Variants in ERICH3 observed in about 807,000 individuals in gnomAD.
The protein encoded by ERICH3 is glutamate rich 3, also known as glutamate-rich protein 3.
In ERICH3, 126 loss-of-function variants were observed where a neutral mutation model predicts 131.1. The observed-to-expected ratio is 0.96, with a 90% CI of 0.83 to 1.11. ERICH3 has a LOEUF of 1.11. ERICH3 is among the 50% of genes most tolerant of loss of function. The pLI is 0.00. For missense variants in ERICH3, 2,050 were observed against 1,810.7 expected (o/e 1.13, Z -2.40); for synonymous variants, 695 against 644.6 (o/e 1.08, Z -1.18).
At chr1:74,636,533 T>C in intron 5 of ERICH3, 95 bp from the exon 6 acceptor site, 1 of 1,238,290 alleles carries the variant, frequency 8.1e-7, no homozygotes, top group African/African-American at 1.5e-5. Flanking sequence ...GAGTAATTAA[T>C]GGTGCCTTTT....
chr1:74,651,921 C>T (rs949875787), intron 1 of ERICH3, among the ~76,000 whole-genome samples: 7 of 152,122 alleles, frequency 4.6e-5, no homozygotes, highest in South Asian at 2.1e-4. Flanking sequence ...TCTGCTCTCT[C>T]GGGCTTCTAC....
At chr1:74,660,981 A>G (rs1646636786) in intron 1 of ERICH3, among the ~76,000 whole-genome samples, 1 of 152,106 alleles carries the variant, frequency 6.6e-6, no homozygotes, top group Non-Finnish European at 1.5e-5. Flanking sequence ...GCGAGGTATT[A>G]TGAGAAAGAA....
At chr1:74,635,908 A>C (rs944814517) in intron 6 of ERICH3, among the ~76,000 whole-genome samples, 2 of 152,206 alleles carry the variant, frequency 1.3e-5, no homozygotes, top group African/African-American at 4.8e-5. Context: ...CTATTCTTGG[A>C]AAGTTTCATT....
chr1:74,607,326 A>G (rs1377313061), intron 9 of ERICH3, among the ~76,000 whole-genome samples: 1 of 151,994 alleles, frequency 6.6e-6, no homozygotes, highest in Admixed American at 6.6e-5. Flanking sequence ...TGATAATAGA[A>G]CATGCAGATT....
chr1:74,627,001 C>T (rs1365797428), intron 7 of ERICH3, among the ~76,000 whole-genome samples: 1 of 152,018 alleles, frequency 6.6e-6, no homozygotes. Context: ...AGATGCTTTG[C>T]TGGATGGTAG....
chr1:74,673,366 T>C, intron 1 of ERICH3, 131 bp downstream of exon 1: 1 of 1,022,390 alleles, frequency 9.8e-7, no homozygotes, highest in Non-Finnish European at 1.4e-6. Flanking sequence ...AATTCGTATA[T>C]ATTTTCCTCT....
At chr1:74,631,180 A>G (rs915590810) in intron 7 of ERICH3, among the ~76,000 whole-genome samples, 4 of 152,120 alleles carry the variant, frequency 2.6e-5, no homozygotes, top group Non-Finnish European at 5.9e-5. Flanking sequence ...TTGCCTTCTT[A>G]CTAGCTTGTA....
intron 12 of ERICH3, among the ~76,000 whole-genome samples, chr1:74,588,574 A>G (rs951504333): frequency 1.3e-5 from 2 of 152,188 alleles, no homozygotes; most frequent in Non-Finnish European, 2.9e-5. Flanking sequence ...GCTGAATTTT[A>G]GTAATATTAA....
chr1:74,632,321 A>G (rs1171618647), intron 6 of ERICH3, among the ~76,000 whole-genome samples: 1 of 152,102 alleles, frequency 6.6e-6, no homozygotes, highest in African/African-American at 2.4e-5. Context: ...TCAGGCATCT[A>G]GGTATTAGAA....
chr1:74,607,659 A>G (rs1020302900), intron 9 of ERICH3, among the ~76,000 whole-genome samples: 1 of 151,968 alleles, frequency 6.6e-6, no homozygotes, highest in Non-Finnish European at 1.5e-5. Context: ...AGTAATTTAT[A>G]GAGGTTATGA....
chr1:74,586,643 A>G (rs1017183182), intron 12 of ERICH3: 1 of 378,004 alleles, frequency 2.6e-6, no homozygotes. Context: ...TAATCTTAGT[A>G]ATAAGACACT....
At chr1:74,590,179 A>G in intron 11 of ERICH3, 99 bp from the exon 12 acceptor site, 1 of 1,061,788 alleles carries the variant, frequency 9.4e-7, no homozygotes, top group Non-Finnish European at 1.3e-6. Context: ...AAAATTTTAA[A>G]ACATAGTTTA....
At chr1:74,662,087 C>A (rs143464242) in intron 1 of ERICH3, among the ~76,000 whole-genome samples, 109 of 152,284 alleles carry the variant, frequency 7.2e-4, no homozygotes, top group African/African-American at 2.4e-3. Context: ...CTTTTAATCA[C>A]CCTGCCTGAG....
intron 5 of ERICH3, among the ~76,000 whole-genome samples, chr1:74,639,053 T>A (rs1205359891): frequency 2.0e-5 from 3 of 152,090 alleles, no homozygotes; most frequent in African/African-American, 7.2e-5. Context: ...TAAAGCAGGA[T>A]TTGGTTTAAA....
upstream of ERICH3, among the ~76,000 whole-genome samples, chr1:74,674,313 T>C (rs1646767738): frequency 3.3e-5 from 5 of 152,138 alleles, no homozygotes; most frequent in Non-Finnish European, 1.5e-5. Context: ...AGTACTTACA[T>C]TGGAATCCAG....
intron 1 of ERICH3, among the ~76,000 whole-genome samples, chr1:74,649,955 A>G (rs1012039404): frequency 1.3e-5 from 2 of 152,046 alleles, no homozygotes. Flanking sequence ...CTCATCACAT[A>G]ATATGTAATT....
At chr1:74,628,102 A>T (rs1429297960) in intron 7 of ERICH3, among the ~76,000 whole-genome samples, 1 of 152,198 alleles carries the variant, frequency 6.6e-6, no homozygotes, top group East Asian at 1.9e-4. Context: ...AGTGAGCTCA[A>T]GTGTTGTGAG....
chr1:74,618,845 A>G (rs1167569988), intron 8 of ERICH3, among the ~76,000 whole-genome samples: 3 of 152,228 alleles, frequency 2.0e-5, no homozygotes, highest in African/African-American at 7.2e-5. Context: ...TACTGCTCCA[A>G]GCACAATGTT....
At chr1:74,652,302 A>G (rs1277517221) in intron 1 of ERICH3, among the ~76,000 whole-genome samples, 3 of 152,116 alleles carry the variant, frequency 2.0e-5, no homozygotes, top group Non-Finnish European at 4.4e-5. Flanking sequence ...TCTGACCATC[A>G]AGACTCCTTT....
Sources: gnomAD v4.1 joint callset for allele counts (sites outside exome capture counted in the v4.1 genomes callset) on GRCh38, gnomAD v4.1.1 for gene constraint, MANE v1.5 for transcripts, NCBI Gene and HGNC (gene_info 2026-07-23, HGNC 2026-07-21) for gene names.